The following RNLS variants were observed in gnomAD, a reference collection of about 807,000 sequenced individuals.
RNLS encodes renalase.
In RNLS, 39 loss-of-function variants were observed where a neutral mutation model predicts 39.8. The ratio of observed to expected loss-of-function variants is 0.98; its 90% CI spans 0.76 to 1.28. The LOEUF (loss-of-function observed/expected upper bound fraction) is 1.28. RNLS is among the 50% of genes most tolerant of loss of function. The pLI is 0.00. For synonymous variants in RNLS, 147 were observed against 150.7 expected (o/e 0.98, Z 0.18); for missense variants, 410 against 413.3 (o/e 0.99, Z 0.07).
At chr10:88,507,563 G>A (rs1027091729) in intron 4 of RNLS, among the ~76,000 whole-genome samples, 1 of 152,066 alleles carries the variant, frequency 6.6e-6, no homozygotes, top group Admixed American at 6.6e-5. Flanking sequence ...CAGCTTTTAT[G>A]AGAAGGCGTT....
At chr10:88,182,259 A>T in the RNLS span, among the ~76,000 whole-genome samples, 4 of 152,108 alleles carry the variant, frequency 2.6e-5, no homozygotes, top group Non-Finnish European at 5.9e-5. Flanking sequence ...TTAGAAAAAA[A>T]TATCACCCCA....
chr10:88,211,440 C>A, the RNLS span, among the ~76,000 whole-genome samples: 1 of 152,164 alleles, frequency 6.6e-6, no homozygotes, highest in African/African-American at 2.4e-5. Flanking sequence ...CATGATCATG[C>A]AGAGTGCAGC....
rs149867275 is a variant in RNLS, at chr10:88,439,213, G to A, written c.527-76488C>T. 4.2e-3 allele frequency among the ~76,000 whole-genome samples: 637 copies of A among 152,284 alleles called. 5 individuals are homozygous for A. The highest frequency in any genetic ancestry group is 0.015 in the African/African-American group (608 of 41,546). On this transcript the variant is annotated intron_variant, in intron 4 of 6. Coordinates refer to ENST00000331772, the MANE Select transcript of RNLS (RefSeq NM_001031709.3). Reference sequence around the variant, plus strand: ...TTAGACAGTTATTGTTACTGTGGCTGCTTTAAATAAATCTCAAAGGGCTGC... The same window carrying A: ...TTAGACAGTTATTGTTACTGTGGCTACTTTAAATAAATCTCAAAGGGCTGC...
At chr10:88,448,054 C>T (rs1842142929) in intron 4 of RNLS, among the ~76,000 whole-genome samples, 1 of 152,054 alleles carries the variant, frequency 6.6e-6, no homozygotes, top group East Asian at 1.9e-4. Flanking sequence ...CCATAAAAAC[C>T]ATAGAAGAAA....
intron 6 of RNLS, among the ~76,000 whole-genome samples, chr10:88,298,019 A>G (rs1167761041): frequency 1.3e-5 from 2 of 152,098 alleles, no homozygotes; most frequent in Non-Finnish European, 2.9e-5. Context: ...TAGCCATCCT[A>G]ATGGTAGTGA....
At chr10:88,503,066 C>G (rs552492515) in intron 4 of RNLS, among the ~76,000 whole-genome samples, 1 of 152,240 alleles carries the variant, frequency 6.6e-6, no homozygotes, top group South Asian at 2.1e-4. Context: ...ATGTCCCAAC[C>G]CCAAACAAGC....
intron 4 of RNLS, among the ~76,000 whole-genome samples, chr10:88,513,558 A>AT (rs1846257632): frequency 1.3e-5 from 2 of 152,066 alleles, no homozygotes. Flanking sequence ...ATCCATTGTA[A>AT]TTTTTTATTA....
At chr10:88,437,535 T>C (rs907759772) in intron 4 of RNLS, among the ~76,000 whole-genome samples, 1 of 152,190 alleles carries the variant, frequency 6.6e-6, no homozygotes, top group Non-Finnish European at 1.5e-5. Context: ...CATTTCCAGA[T>C]TCCAGGATAA....
At chr10:88,565,713 T>C (rs929042018) in intron 4 of RNLS, among the ~76,000 whole-genome samples, 10 of 151,212 alleles carry the variant, frequency 6.6e-5, no homozygotes, top group Non-Finnish European at 1.5e-4. Flanking sequence ...TTCAGCATGA[T>C]ACATTTTTTT....
At chr10:88,481,865 T>C (rs976808506) in intron 4 of RNLS, among the ~76,000 whole-genome samples, 5 of 152,200 alleles carry the variant, frequency 3.3e-5, no homozygotes, top group Non-Finnish European at 7.4e-5. Flanking sequence ...GGTATTCTCA[T>C]AAGACAGGTC....
intron 6 of RNLS, among the ~76,000 whole-genome samples, chr10:88,313,084 T>C (rs1397738600): frequency 6.6e-6 from 1 of 152,220 alleles, no homozygotes; most frequent in East Asian, 1.9e-4. Flanking sequence ...TGGAGGTACA[T>C]TGTGTTCAAA....
intron 5 of RNLS, among the ~76,000 whole-genome samples, chr10:88,360,443 A>G (rs536218502): frequency 3.4e-4 from 51 of 152,060 alleles, no homozygotes; most frequent in African/African-American, 1.1e-3. Context: ...ATTTATTGTT[A>G]TTATTTTTTG....
At chr10:88,226,066 T>A in the RNLS span, among the ~76,000 whole-genome samples, 1 of 152,352 alleles carries the variant, frequency 6.6e-6, no homozygotes, top group Middle Eastern at 3.4e-3. Context: ...TTGGATCAAT[T>A]TTTTGTGTGT....
intron 4 of RNLS, among the ~76,000 whole-genome samples, chr10:88,528,131 C>T (rs1450881588): frequency 2.6e-5 from 4 of 151,476 alleles, no homozygotes; most frequent in Non-Finnish European, 4.4e-5. Flanking sequence ...TGGCACAGGG[C>T]TACAAAATTT....
intron 4 of RNLS, among the ~76,000 whole-genome samples, chr10:88,505,461 G>A (rs573871251): frequency 5.9e-5 from 9 of 151,640 alleles, no homozygotes; most frequent in East Asian, 5.8e-4. Context: ...AAGGGAGGAC[G>A]GGAAGGAGAG....
the RNLS span, among the ~76,000 whole-genome samples, chr10:88,221,926 T>C: frequency 7.9e-5 from 12 of 152,192 alleles, no homozygotes; most frequent in Non-Finnish European, 1.6e-4. Context: ...TGAAATCTAT[T>C]TGTTATAATT....
At chr10:88,291,358 A>T (rs978713262) in intron 6 of RNLS, among the ~76,000 whole-genome samples, 3 of 152,170 alleles carry the variant, frequency 2.0e-5, no homozygotes, top group African/African-American at 7.2e-5. Context: ...GTTATCTAAG[A>T]ATCCATTTGT....
intron 4 of RNLS, among the ~76,000 whole-genome samples, chr10:88,382,369 A>G (rs1851589863): frequency 6.6e-6 from 1 of 152,150 alleles, no homozygotes; most frequent in Non-Finnish European, 1.5e-5. Flanking sequence ...TTAAACACTC[A>G]TCACATTATT....
intron 4 of RNLS, among the ~76,000 whole-genome samples, chr10:88,420,047 T>C (rs899800938): frequency 1.8e-5 from 2 of 108,666 alleles, no homozygotes; most frequent in African/African-American, 3.8e-5. Context: ...AATAAATAAA[T>C]AAATAAATAA....
Sources: allele counts gnomAD v4.1 joint callset (sites outside exome capture counted in the v4.1 genomes callset), GRCh38; gene constraint gnomAD v4.1.1; transcripts MANE v1.5; gene names NCBI Gene and HGNC (gene_info 2026-07-23, HGNC 2026-07-21).